Variants in LANCL1 observed in about 807,000 individuals in gnomAD.
LANCL1 encodes glutathione S-transferase LANCL1.
Under a neutral mutation model 50.6 loss-of-function variants are expected in LANCL1, and 50 were observed. The ratio of observed to expected loss-of-function variants is 0.99; its 90% CI spans 0.79 to 1.25. LANCL1 has a LOEUF of 1.25. Among genes scored for constraint, LANCL1 ranks in the 50% most tolerant of loss-of-function variants. LANCL1 has a pLI of 0.00. For synonymous variants in LANCL1, 188 were observed against 178.6 expected, an observed-to-expected ratio of 1.05 and a Z score of -0.42; for missense variants, 532 against 480.7, an observed-to-expected ratio of 1.11 and a Z score of -1.00.
At chr2:210,471,915 CTT>C (rs1346199728) in intron 3 of LANCL1, 42 bp downstream of exon 3, 3 of 1,372,228 alleles carry the variant, frequency 2.2e-6, no homozygotes, top group African/African-American at 1.4e-5. Flanking sequence ...TGCTCTGGCT[CTT>C]AAGCACAATG....
intron 3 of LANCL1, among the ~76,000 whole-genome samples, chr2:210,461,048 T>TA (rs1285236593): frequency 1.3e-5 from 2 of 152,196 alleles, no homozygotes; most frequent in African/African-American, 2.4e-5. Flanking sequence ...GTGTTGACGT[T>TA]ACTGGAATGA....
rs377738349 is a variant in LANCL1, at chr2:210,434,490, G to C, written c.1197C>G (p.Leu399=). The change falls in exon 10 of 10, where the codon CTC becomes CTG. Residue 399 remains leucine (L), a synonymous_variant. Transcript: ENST00000450366. ...TTGCAGGTGGCATGCTATCCTTTCA[G>C]AGTTCAAATGCAGGGAACCTGGCTT... ...PTKARFPAFE[L] is the part of the protein sequence containing the mutation. 3 of 1,612,246 alleles carry C rather than the reference G, an allele frequency of 1.9e-6. No homozygotes were observed. The African/African-American group carries it at 4.0e-5, about 22-fold the overall frequency.
intron 2 of LANCL1, 33 bp from the exon 3 acceptor site, chr2:210,472,109 A>T (rs1473211902): frequency 6.9e-7 from 1 of 1,438,880 alleles, no homozygotes; most frequent in Admixed American, 1.7e-5. Context: ...TATCAAAATA[A>T]TGTGGGTCAC....
rs765527139 is a variant in LANCL1, at chr2:210,440,633, G to A, written c.655C>T (p.His219Tyr). 8 of 1,613,446 alleles carry A rather than the reference G, an allele frequency of 5.0e-6. No individual in the cohort carries two copies. The highest frequency in any genetic ancestry group is 1.3e-5 in the African/African-American group (1 of 74,884). Residue 219 changes from histidine (H) to tyrosine (Y), a missense_variant, in exon 6 of 10, where the codon CAT becomes TAT. By Grantham distance (83) the His-to-Tyr change is moderately conservative. Coordinates refer to ENST00000450366, the MANE Select transcript of LANCL1 (RefSeq NM_006055.3). ...TAGTAATAAATTCCAGCCAGGCCATGAGCAGCCCCTACATAATATTCCTGG... is the reference window on the plus strand; with the variant it reads ...TAGTAATAAATTCCAGCCAGGCCATAAGCAGCCCCTACATAATATTCCTGG... ...WYQEYYVGAA[H>Y]GLAGIYYYLM...
rs753267080 is a variant in LANCL1 at position 210,476,684 on chromosome 2, C to T, written c.-81G>A. Reference sequence around the variant, plus strand: ...CCCGCGACTTGAAGCAAGTGCGCCTCCCGCGTCCTGAAGCCCTTCTCGGCC... The same window carrying T: ...CCCGCGACTTGAAGCAAGTGCGCCTTCCGCGTCCTGAAGCCCTTCTCGGCC... On this transcript the variant is annotated 5_prime_UTR_variant, in exon 1 of 10. Coordinates refer to ENST00000450366, the MANE Select transcript of LANCL1 (RefSeq NM_006055.3). 213 of 1,212,594 alleles carry T rather than the reference C, an allele frequency of 1.8e-4. No individual in the cohort carries two copies. Among genetic ancestry groups the T allele is most frequent in the Middle Eastern group, 3.4e-4 (1 of 2,942 alleles). The allele number at this position is 1,212,594 out of a possible 1,614,324, so 75.1% of individuals were successfully genotyped here. A position where few individuals can be genotyped will look rare whatever the true frequency, so the allele number is the denominator to read the frequency against.
At chr2:210,475,104 G>T (rs113719342) in intron 2 of LANCL1, among the ~76,000 whole-genome samples, 2,522 of 152,104 alleles carry the variant, frequency 0.017, 56 homozygotes, top group Middle Eastern at 0.054. Flanking sequence ...TCATCTCTTT[G>T]ATTCCTCCTA....
intron 3 of LANCL1, among the ~76,000 whole-genome samples, chr2:210,456,983 A>T (rs895740857): frequency 1.3e-5 from 2 of 152,220 alleles, no homozygotes; most frequent in African/African-American, 4.8e-5. Context: ...TCACAAGAGT[A>T]CATTTGGATT....
chr2:210,458,663 C>T (rs1368496369), intron 3 of LANCL1, among the ~76,000 whole-genome samples: 5 of 152,052 alleles, frequency 3.3e-5, no homozygotes, highest in Admixed American at 1.3e-4. Context: ...AAATGCCTCC[C>T]GATGACTAAC....
rs1694394142 is a variant in LANCL1, at chr2:210,476,707, G to GCCCTGGCCTCTCAC, written c.-118_-105dup. 1 of 1,160,762 alleles carries GCCCTGGCCTCTCAC rather than the reference G, an allele frequency of 8.6e-7. No homozygotes were observed. The highest frequency in any genetic ancestry group is 1.6e-5 in the African/African-American group (1 of 62,828). 71.9% of individuals were successfully genotyped at this position (1,160,762 alleles called of 1,614,324 possible). ...CTCCCGCGTCCTGAAGCCCTTCTCG[G>GCCCTGGCCTCTCAC]CCCTGGCCTCTCACCCCGCAGCCCC... is the stretch of plus-strand genomic sequence containing the variant. On this transcript the variant is annotated 5_prime_UTR_variant, in exon 1 of 10. Coordinates refer to ENST00000450366, the MANE Select transcript of LANCL1 (RefSeq NM_006055.3).
intron 3 of LANCL1, among the ~76,000 whole-genome samples, chr2:210,462,410 T>C (rs1260665896): frequency 6.6e-6 from 1 of 152,258 alleles, no homozygotes; most frequent in African/African-American, 2.4e-5. Flanking sequence ...AATATCATGA[T>C]GCATTACGCT....
At position 210,434,493 on chromosome 2, in the gene LANCL1, T is replaced by G. The variant is rs754532920; in HGVS notation, c.1194A>C (p.Glu398Asp). 1.2e-6 allele frequency: 2 copies of G among 1,612,780 alleles called. No individual in the cohort carries two copies. The highest frequency in any genetic ancestry group is 2.7e-5 in the African/African-American group (2 of 74,900). ...VPTKARFPAF[E>D]L The stretch of plus-strand genomic sequence containing the variant: ...CAGGTGGCATGCTATCCTTTCAGAG[T>G]TCAAATGCAGGGAACCTGGCTTTTG... Residue 398 changes from glutamate to aspartate, a missense_variant, in exon 10 of 10, where the codon GAA becomes GAC. Physicochemically the swap from Glu to Asp is conservative, Grantham distance 45. Coordinates refer to ENST00000450366, the MANE Select transcript of LANCL1 (RefSeq NM_006055.3).
In LANCL1 at chr2:210,472,006, A is replaced by C; in HGVS notation, c.152T>G (p.Leu51Arg). The C allele has an allele frequency of 6.2e-7, 1 of 1,614,142 alleles. No homozygotes were observed. The highest frequency in any genetic ancestry group is 8.5e-7 in the Non-Finnish European group (1 of 1,180,002). ...GCCATCCCGAGGGTCTGCTGATTTCAGGCCTCTCTCCATTTGCTGAAGAAG... is the reference window on the plus strand; with the variant it reads ...GCCATCCCGAGGGTCTGCTGATTTCCGGCCTCTCTCCATTTGCTGAAGAAG... ...RELLQQMERGLKSADPRDGTG... is the reference protein window; with the variant it reads ...RELLQQMERGRKSADPRDGTG... Residue 51 changes from leucine to arginine, a missense_variant, in exon 3 of 10, where the codon CTG becomes CGG. By Grantham distance (102) the Leu-to-Arg change is moderately radical. Transcript: ENST00000450366.
At position 210,467,236 on chromosome 2, in the gene LANCL1, GA is replaced by G. The variant is rs1432233181; in HGVS notation, c.199+4722del. On this transcript the variant is annotated intron_variant, in intron 3 of 9. Transcript: ENST00000450366. ...ACTGACACTAAAGCAAATGGTGGAA[GA>G]ATTGCCAACGTACAGATATTTTTAG... Among the ~76,000 whole-genome samples the G allele has an allele frequency of 2.0e-5, 3 of 152,202 alleles. No homozygotes were observed. In the East Asian group the frequency reaches 5.8e-4, roughly 29 times the overall value.
intron 2 of LANCL1, among the ~76,000 whole-genome samples, chr2:210,474,019 G>C (rs1694291008): frequency 6.6e-6 from 1 of 152,158 alleles, no homozygotes; most frequent in African/African-American, 2.4e-5. Flanking sequence ...AAGAGATCAA[G>C]AATAATGAGA....
chr2:210,465,820 G>A (rs556350057), intron 3 of LANCL1, among the ~76,000 whole-genome samples: 1 of 152,316 alleles, frequency 6.6e-6, no homozygotes, highest in East Asian at 1.9e-4. Flanking sequence ...CGAGGAGAAA[G>A]GCTATCTGCC....
At chr2:210,471,866 T>TTA in intron 3 of LANCL1, 93 bp downstream of exon 3, 2 of 898,870 alleles carry the variant, frequency 2.2e-6, no homozygotes, top group Non-Finnish European at 3.7e-6. Context: ...CAGGAAGCAT[T>TTA]TAAGGGTGTA....
rs1481162016 is a variant in LANCL1, at chr2:210,433,072, T to G, written c.*1415A>C. 1.3e-5 allele frequency: 2 copies of G among 152,618 alleles called. No individual in the cohort carries two copies. The highest frequency in any genetic ancestry group is 2.9e-5 in the Non-Finnish European group (2 of 68,040). 9.5% of individuals were successfully genotyped at this position (152,618 alleles called of 1,614,324 possible). A position where few individuals can be genotyped will look rare whatever the true frequency, so the allele number is the denominator to read the frequency against. On this transcript the variant is annotated 3_prime_UTR_variant, in exon 10 of 10. Transcript: ENST00000450366. Reference sequence around the variant, plus strand: ...TGAAGTTCCAATAAAAATAGCATGTTTTTGTGACCAAGAGAGCTGTGAAAT... The same window carrying G: ...TGAAGTTCCAATAAAAATAGCATGTGTTTGTGACCAAGAGAGCTGTGAAAT...
At chr2:210,453,570 A>C (rs909499439) in intron 4 of LANCL1, among the ~76,000 whole-genome samples, 7 of 152,228 alleles carry the variant, frequency 4.6e-5, no homozygotes, top group Non-Finnish European at 1.5e-5. Flanking sequence ...AAACTATTAA[A>C]ATGTGGCTGC....
chr2:210,440,467 A>C, intron 6 of LANCL1, 131 bp downstream of exon 6: 1 of 835,694 alleles, frequency 1.2e-6, no homozygotes, highest in Non-Finnish European at 1.8e-6. Context: ...AGGACAAGTA[A>C]TTACAAGGAG....
Sources: gnomAD v4.1 joint callset for allele counts (sites outside exome capture counted in the v4.1 genomes callset) on GRCh38, gnomAD v4.1.1 for gene constraint, MANE v1.5 for transcripts, NCBI Gene and HGNC (gene_info 2026-07-23, HGNC 2026-07-21) for gene names.